The following SPATS2L variants were observed in gnomAD, a reference collection of about 807,000 sequenced individuals.
The protein encoded by SPATS2L is spermatogenesis associated serine rich 2 like, also known as SPATS2-like protein.
A neutral mutation model predicts 59.6 loss-of-function variants in SPATS2L; 30 were observed. That is an observed-to-expected ratio of 0.50 (90% CI 0.38 to 0.68). SPATS2L has a LOEUF of 0.68. Among genes scored for constraint, SPATS2L ranks in the 30% least tolerant of loss-of-function variants. The pLI, the probability that SPATS2L is intolerant of heterozygous loss-of-function variation, is 0.00. For synonymous variants in SPATS2L, 252 were observed against 263.5 expected (o/e 0.96, Z 0.42); for missense variants, 615 against 700.0 (o/e 0.88, Z 1.37).
At chr2:200,436,404 T>C (rs566070553) in intron 6 of SPATS2L, among the ~76,000 whole-genome samples, 1 of 152,282 alleles carries the variant, frequency 6.6e-6, no homozygotes, top group South Asian at 2.1e-4. Context: ...ATGTCAGACA[T>C]ACATGCATAT....
chr2:200,350,981 C>T (rs1559059238), intron 2 of SPATS2L, among the ~76,000 whole-genome samples: 1 of 152,056 alleles, frequency 6.6e-6, no homozygotes, highest in Non-Finnish European at 1.5e-5. Context: ...GAGGAATTAC[C>T]CTCCACAAAG....
At chr2:200,385,079 G>A (rs538757515) in intron 2 of SPATS2L, among the ~76,000 whole-genome samples, 3 of 152,174 alleles carry the variant, frequency 2.0e-5, no homozygotes, top group Non-Finnish European at 2.9e-5. Flanking sequence ...AAAGATCCCT[G>A]TACCTTTCTT....
chr2:200,458,049 A>C (rs2085974190), intron 8 of SPATS2L, among the ~76,000 whole-genome samples: 1 of 152,184 alleles, frequency 6.6e-6, no homozygotes, highest in South Asian at 2.1e-4. Context: ...CAAGCAAAAA[A>C]ATCTTCTTGA....
intron 2 of SPATS2L, among the ~76,000 whole-genome samples, chr2:200,365,724 C>T (rs1342884220): frequency 6.6e-6 from 1 of 152,132 alleles, no homozygotes; most frequent in Admixed American, 6.6e-5. Flanking sequence ...TGGAAGCTTT[C>T]CTTGACCCTC....
chr2:200,460,488 G>A (rs991553786), intron 9 of SPATS2L, among the ~76,000 whole-genome samples: 1 of 152,150 alleles, frequency 6.6e-6, no homozygotes, highest in Non-Finnish European at 1.5e-5. Context: ...GCTTACGCCT[G>A]TAATCCCAGC....
In SPATS2L at chr2:200,309,061, CTG is replaced by C. The variant is rs2079115140; in HGVS notation, c.-73+2140_-73+2141del. 2 of 717,890 alleles carry C rather than the reference CTG, an allele frequency of 2.8e-6. 1 individual carries two copies. Among genetic ancestry groups the C allele is most frequent in the Admixed American group, 4.0e-5 (2 of 50,004 alleles). The allele number at this position is 717,890 out of a possible 1,614,324, so 44.5% of individuals were successfully genotyped here. A position where few individuals can be genotyped will look rare whatever the true frequency, so the allele number is the denominator to read the frequency against. ...TTGCAGTCTTTGATTGCATGCCAGT[CTG>C]AAGCATTTTATGGACCCGTTTTGCC... On this transcript the variant is annotated intron_variant, in intron 1 of 12. Coordinates refer to ENST00000409140, the MANE Select transcript of SPATS2L (RefSeq NM_001100423.2).
At position 200,371,094 on chromosome 2, in the gene SPATS2L, C is replaced by T. The variant is rs374903723; in HGVS notation, c.-22-18129C>T. On this transcript the variant is annotated intron_variant, in intron 2 of 12. Transcript: ENST00000409140. The stretch of plus-strand genomic sequence containing the variant: ...TCGGCTCATTATGATCAGTGTATAC[C>T]GTGATGTGATTATCAAGAAAATGCA... 1.3e-4 allele frequency among the ~76,000 whole-genome samples: 19 copies of T among 151,922 alleles called. No homozygotes were observed. The South Asian group carries it at 2.5e-3, about 20-fold the overall frequency.
chr2:200,436,189 C>G (rs1283850509), intron 6 of SPATS2L, among the ~76,000 whole-genome samples: 1 of 152,030 alleles, frequency 6.6e-6, no homozygotes, highest in Non-Finnish European at 1.5e-5. Context: ...TATTTCTGGA[C>G]TATAATGTTA....
chr2:200,393,802 T>A (rs919234635), intron 3 of SPATS2L, among the ~76,000 whole-genome samples: 13 of 152,254 alleles, frequency 8.5e-5, no homozygotes, highest in South Asian at 2.1e-4. Context: ...ACAACTGTTA[T>A]GTCTTAGATT....
intron 4 of SPATS2L, 36 bp from the exon 5 acceptor site, chr2:200,416,343 G>T: frequency 8.7e-7 from 1 of 1,155,158 alleles, no homozygotes; most frequent in Non-Finnish European, 1.2e-6. Flanking sequence ...GTTTTATGAT[G>T]TGAATATTTG....
chr2:200,381,728 A>T (rs2081818568), intron 2 of SPATS2L, among the ~76,000 whole-genome samples: 1 of 152,174 alleles, frequency 6.6e-6, no homozygotes, highest in African/African-American at 2.4e-5. Flanking sequence ...ACATGGCATA[A>T]TTGACTTCCT....
At chr2:200,341,780 C>T (rs2080336094) in intron 2 of SPATS2L, among the ~76,000 whole-genome samples, 1 of 151,562 alleles carries the variant, frequency 6.6e-6, no homozygotes, top group Non-Finnish European at 1.5e-5. Context: ...ACCTCCGCCT[C>T]CTGGGTTCAA....
At chr2:200,417,068 T>TG (rs1311498475) in intron 5 of SPATS2L, among the ~76,000 whole-genome samples, 2 of 152,194 alleles carry the variant, frequency 1.3e-5, no homozygotes, top group African/African-American at 4.8e-5. Context: ...GCTCGTGAGA[T>TG]GCGTCTGTGC....
intron 1 of SPATS2L, among the ~76,000 whole-genome samples, chr2:200,326,106 C>T (rs1225714364): frequency 6.6e-6 from 1 of 152,172 alleles, no homozygotes; most frequent in Non-Finnish European, 1.5e-5. Flanking sequence ...GAGGTTTGAA[C>T]CCAAGTTTGT....
At chr2:200,376,520 G>T (rs1216011473) in intron 2 of SPATS2L, among the ~76,000 whole-genome samples, 1 of 152,154 alleles carries the variant, frequency 6.6e-6, no homozygotes, top group Non-Finnish European at 1.5e-5. Flanking sequence ...TAGCTCCAAG[G>T]CTTTATTTGA....
At chr2:200,449,137 C>A (rs1361845152) in intron 8 of SPATS2L, among the ~76,000 whole-genome samples, 1 of 152,214 alleles carries the variant, frequency 6.6e-6, no homozygotes, top group Non-Finnish European at 1.5e-5. Flanking sequence ...GTAGCTCACT[C>A]TTTGGAGGTG....
At chr2:200,347,524 G>A (rs912310143) in intron 2 of SPATS2L, among the ~76,000 whole-genome samples, 9 of 152,162 alleles carry the variant, frequency 5.9e-5, no homozygotes, top group Non-Finnish European at 1.3e-4. Flanking sequence ...CGGTTTGCAT[G>A]TCCTTGCCCT....
At chr2:200,430,381 G>A (rs901068594) in intron 6 of SPATS2L, among the ~76,000 whole-genome samples, 2 of 151,326 alleles carry the variant, frequency 1.3e-5, no homozygotes. Flanking sequence ...TGTGTTTCTG[G>A]GTTTAAAAAG....
chr2:200,347,048 A>C (rs532207232), intron 2 of SPATS2L, among the ~76,000 whole-genome samples: 1 of 152,342 alleles, frequency 6.6e-6, no homozygotes, highest in African/African-American at 2.4e-5. Context: ...TACAAACCAA[A>C]GACTCATGTG....
Sources: allele counts gnomAD v4.1 joint callset (sites outside exome capture counted in the v4.1 genomes callset), GRCh38; gene constraint gnomAD v4.1.1; transcripts MANE v1.5; gene names NCBI Gene and HGNC (gene_info 2026-07-23, HGNC 2026-07-21).